Variants in ZNF266 observed in about 807,000 individuals in gnomAD.
ZNF266 encodes the protein zinc finger protein 1.
ZNF266 carries 16 observed loss-of-function variants against 16.4 expected under a neutral mutation model. That is an observed-to-expected ratio of 0.98 (90% CI 0.66 to 1.48). The LOEUF is 1.48. ZNF266 is among the 40% of genes most tolerant of loss of function. The pLI is 0.00. For synonymous variants in ZNF266, 262 were observed against 237.9 expected (o/e 1.10, Z -0.93); for missense variants, 738 against 689.1 (o/e 1.07, Z -0.79).
At chr19:9,416,043 C>CA (rs1452774732) in intron 9 of ZNF266, among the ~76,000 whole-genome samples, 3 of 151,630 alleles carry the variant, frequency 2.0e-5, no homozygotes, top group African/African-American at 7.3e-5. Context: ...AAGCTAGTCT[C>CA]AAACTCCTGA....
At chr19:9,417,586 G>A (rs1440066404) in intron 9 of ZNF266, among the ~76,000 whole-genome samples, 1 of 152,096 alleles carries the variant, frequency 6.6e-6, no homozygotes, top group African/African-American at 2.4e-5. Context: ...AATTAGCCAG[G>A]CATGGTGGCG....
rs1287526761 is a variant in ZNF266 at position 9,414,709 on chromosome 19, G to A, written c.417C>T (p.His139=). The A allele has an allele frequency of 1.4e-5, 22 of 1,566,386 alleles. No individual in the cohort carries two copies. Among genetic ancestry groups the A allele is most frequent in the Non-Finnish European group, 1.8e-5 (21 of 1,151,090 alleles). ...TAACATCACTGACCTCCCCTCCGTTGTGGCTTCCTATCTGTTGATAAAGGA... is the reference window on the plus strand; with the variant it reads ...TAACATCACTGACCTCCCCTCCGTTATGGCTTCCTATCTGTTGATAAAGGA... ...TSSGIQMIGS[H]NGGEVSDVKQ... Residue 139 remains histidine (H), a synonymous_variant, in exon 11 of 11, where the codon CAC becomes CAT. Transcript: ENST00000592904.
At chr19:9,422,695 G>GC (rs1449453385) in intron 5 of ZNF266, among the ~76,000 whole-genome samples, 1 of 152,142 alleles carries the variant, frequency 6.6e-6, no homozygotes, top group Non-Finnish European at 1.5e-5. Context: ...TCTAGTACCC[G>GC]CTAAAAGTGC....
At chr19:9,421,477 T>A (rs2069875847) in intron 5 of ZNF266, among the ~76,000 whole-genome samples, 1 of 152,222 alleles carries the variant, frequency 6.6e-6, no homozygotes, top group Non-Finnish European at 1.5e-5. Flanking sequence ...CGCATACACT[T>A]GCATAATCAA....
chr19:9,418,561 T>G lies in ZNF266; in HGVS notation c.179A>C (p.Gln60Pro), dbSNP rs758452544. The change falls in exon 8 of 11, where the codon CAG becomes CCG. Residue 60 changes from glutamine to proline, a missense_variant. Gln to Pro is a moderately conservative substitution (Grantham distance 76, BLOSUM62 -1). Coordinates refer to ENST00000592904, the MANE Select transcript of ZNF266 (RefSeq NM_001370374.1). The stretch of plus-strand genomic sequence containing the variant: ...CATCACATCTCTGTAGAGGTTTCTC[T>G]GAGTTGGGTCCAGTAAAGTCCATTC... ...PEEWTLLDPT[Q>P]RNLYRDVMLE... 7.4e-6 allele frequency: 12 copies of G among 1,614,118 alleles called. No individual in the cohort carries two copies. In the South Asian group the frequency reaches 1.3e-4, roughly 18 times the overall value.
At chr19:9,429,603 A>AG (rs144230791) in intron 5 of ZNF266, among the ~76,000 whole-genome samples, 2,385 of 152,216 alleles carry the variant, frequency 0.016, 61 homozygotes, top group African/African-American at 0.055. Flanking sequence ...CTGATGGTGG[A>AG]GATGACTCCA....
intron 5 of ZNF266, among the ~76,000 whole-genome samples, chr19:9,427,326 GTTTT>G (rs201091063): frequency 6.7e-6 from 1 of 150,078 alleles, no homozygotes; most frequent in African/African-American, 2.5e-5. Flanking sequence ...ATGTTTGTTT[GTTTT>G]TTTTTCTGAG....
In ZNF266 at chr19:9,413,268, A is replaced by C. The variant is rs778646706; in HGVS notation, c.*7T>G. Reference sequence around the variant, plus strand: ...AACAGGGACACCTTTAGGTTTTCCCACATTCCTTATGCTGACAGTCTCTCA... The same window carrying C: ...AACAGGGACACCTTTAGGTTTTCCCCCATTCCTTATGCTGACAGTCTCTCA... On this transcript the variant is annotated 3_prime_UTR_variant, in exon 11 of 11. Coordinates refer to ENST00000592904, the MANE Select transcript of ZNF266 (RefSeq NM_001370374.1). 3.8e-6 allele frequency: 6 copies of C among 1,562,958 alleles called. No homozygotes were observed. Among genetic ancestry groups the C allele is most frequent in the Non-Finnish European group, 5.2e-6 (6 of 1,155,966 alleles).
At chr19:9,418,912 T>C (rs770554285) in intron 7 of ZNF266, 16 of 241,416 alleles carry the variant, frequency 6.6e-5, no homozygotes, top group Non-Finnish European at 1.0e-4. Context: ...AATGGAAAGA[T>C]TATCTCAAAG....
rs772039477 is a variant in ZNF266, at chr19:9,413,648, T to C, written c.1478A>G (p.His493Arg). The change falls in exon 11 of 11, where the codon CAT becomes CGT. Residue 493 changes from histidine to arginine, a missense_variant. Transcript: ENST00000592904. The part of the protein sequence containing the change: ...AFAISSNLSG[H>R]LRIHTGEKPF... ...CTTCTCTCCAGTGTGAATTCTCAAA[T>C]GTCCACTAAGATTTGAAGAAATAGC... 2.2e-5 allele frequency: 35 copies of C among 1,614,026 alleles called. No individual in the cohort carries two copies. The African/African-American group carries it at 2.8e-4, about 13-fold the overall frequency.
At position 9,418,891 on chromosome 19, in the gene ZNF266, A is replaced by G. The variant is rs138323799; in HGVS notation, c.109-260T>C. ...GCACACTCTTGAGCAGATGCTAGAT[A>G]AACACTGATGAATGGAAAGATTATC... is the stretch of plus-strand genomic sequence containing the variant. On this transcript the variant is annotated intron_variant, in intron 7 of 10. Transcript: ENST00000592904. The G allele has an allele frequency of 2.8e-3, 790 of 283,542 alleles. 5 individuals carry two copies. Among genetic ancestry groups the G allele is most frequent in the African/African-American group, 0.016 (732 of 45,806 alleles). 17.6% of individuals were successfully genotyped at this position (283,542 alleles called of 1,614,324 possible). A position where few individuals can be genotyped will look rare whatever the true frequency, so the allele number is the denominator to read the frequency against.
Position 9,413,647 on chromosome 19 carries a change from A to G in ZNF266, c.1479T>C (p.His493=), listed in dbSNP as rs1449136682. The G allele has an allele frequency of 5.6e-6, 9 of 1,614,016 alleles. No individual in the cohort carries two copies. The highest frequency in any genetic ancestry group is 6.8e-6 in the Non-Finnish European group (8 of 1,179,970). ...GCTTCTCTCCAGTGTGAATTCTCAA[A>G]TGTCCACTAAGATTTGAAGAAATAG... ...AFAISSNLSG[H]LRIHTGEKPF... Residue 493 remains histidine (H), a synonymous_variant, in exon 11 of 11, where the codon CAT becomes CAC. Transcript: ENST00000592904.
intron 5 of ZNF266, chr19:9,420,761 A>G (rs1252722029): frequency 7.7e-5 from 2 of 25,818 alleles, no homozygotes; most frequent in African/African-American, 4.1e-4. Context: ...CTCAAAAGGA[A>G]AAAAAAAAAA....
chr19:9,422,629 G>C (rs536901284), intron 5 of ZNF266, among the ~76,000 whole-genome samples: 1 of 152,268 alleles, frequency 6.6e-6, no homozygotes, highest in Non-Finnish European at 1.5e-5. Flanking sequence ...ACAATAGCCA[G>C]GGTTGCCTGC....
intron 5 of ZNF266, among the ~76,000 whole-genome samples, chr19:9,421,083 T>G (rs1303753650): frequency 6.6e-6 from 1 of 152,184 alleles, no homozygotes; most frequent in Non-Finnish European, 1.5e-5. Context: ...TTAATCACAA[T>G]CTTTAATAAA....
In ZNF266 at chr19:9,435,208, G is replaced by A. The variant is rs1231537898; in HGVS notation, c.-557-15C>T. On this transcript the variant is annotated splice_polypyrimidine_tract_variant and intron_variant, in intron 1 of 10. Coordinates refer to ENST00000592904, the MANE Select transcript of ZNF266 (RefSeq NM_001370374.1). ...ACTCGTTGTTTCTGGAAAAAAAAAA[G>A]TCACAAAGAATTGCTTTGGAAGAGT... 2 of 151,970 alleles carry A rather than the reference G, an allele frequency of 1.3e-5. No homozygotes were observed. Among genetic ancestry groups the A allele is most frequent in the Non-Finnish European group, 2.9e-5 (2 of 67,984 alleles). The allele number at this position is 151,970 out of a possible 1,614,324, so 9.4% of individuals were successfully genotyped here. A position where few individuals can be genotyped will look rare whatever the true frequency, so the allele number is the denominator to read the frequency against.
chr19:9,418,539 C>T lies in ZNF266; in HGVS notation c.201G>A (p.Val67=), dbSNP rs1278454339. The change falls in exon 8 of 11, where the codon GTG becomes GTA. Residue 67 remains valine (V), a synonymous_variant. Coordinates refer to ENST00000592904, the MANE Select transcript of ZNF266 (RefSeq NM_001370374.1). ...CCAAATTCTTGTAGTTCTCCAGCATCACATCTCTGTAGAGGTTTCTCTGAG... is the reference window on the plus strand; with the variant it reads ...CCAAATTCTTGTAGTTCTCCAGCATTACATCTCTGTAGAGGTTTCTCTGAG... ...DPTQRNLYRD[V]MLENYKNLAT... is the part of the protein sequence containing the mutation. The T allele has an allele frequency of 1.2e-6, 2 of 1,614,198 alleles. No homozygotes were observed.
chr19:9,415,599 G>T, intron 10 of ZNF266, 55 bp downstream of exon 10: 1 of 1,416,630 alleles, frequency 7.1e-7, no homozygotes, highest in South Asian at 1.2e-5. Context: ...TTCTATAATG[G>T]AATCCCCAAT....
intron 5 of ZNF266, among the ~76,000 whole-genome samples, chr19:9,426,413 G>A (rs145702362): frequency 4.1e-4 from 62 of 151,724 alleles, no homozygotes; most frequent in African/African-American, 1.3e-3. Flanking sequence ...AGCACTGGGC[G>A]CCTTACCCCT....
Sources: gnomAD v4.1 joint callset for allele counts (sites outside exome capture counted in the v4.1 genomes callset) on GRCh38, gnomAD v4.1.1 for gene constraint, MANE v1.5 for transcripts, NCBI Gene and HGNC (gene_info 2026-07-23, HGNC 2026-07-21) for gene names.